CASC3: variants seen among roughly 807,000 people sequenced by gnomAD.
CASC3 encodes protein CASC3.
A neutral mutation model predicts 80.5 loss-of-function variants in CASC3; 30 were observed. The observed-to-expected ratio is 0.37, with a 90% CI of 0.28 to 0.51. The LOEUF (loss-of-function observed/expected upper bound fraction) is 0.51, where lower values mean the gene tolerates loss of function less well. Among genes scored for constraint, CASC3 ranks in the 20% least tolerant of loss-of-function variants. The pLI is 0.94. For synonymous variants in CASC3, 312 were observed against 333.6 expected (o/e 0.94, Z 0.70); for missense variants, 824 against 922.2 (o/e 0.89, Z 1.38).
At chr17:40,157,372 AATTAATT>A (rs1989178676) in intron 3 of CASC3, among the ~76,000 whole-genome samples, 1 of 144,122 alleles carries the variant, frequency 6.9e-6, no homozygotes, top group Admixed American at 6.8e-5. Flanking sequence ...TAAATAAATT[AATTAATT>A]AATTAATTAA....
chr17:40,163,093 G>A (rs192141912), intron 6 of CASC3, among the ~76,000 whole-genome samples, 192 bp downstream of exon 6: 4 of 151,730 alleles, frequency 2.6e-5, no homozygotes, highest in African/African-American at 9.7e-5. Context: ...AAAATAGAGT[G>A]TAGACTCTTG....
Position 40,167,863 on chromosome 17 carries a change from A to C in CASC3, c.1665A>C (p.Gly555=). 3 of 1,614,078 alleles carry C rather than the reference A, an allele frequency of 1.9e-6. No homozygotes were observed. Among genetic ancestry groups the C allele is most frequent in the Non-Finnish European group, 2.5e-6 (3 of 1,179,916 alleles). Residue 555 remains glycine, a synonymous_variant, in exon 10 of 14, where the codon GGA becomes GGC. Coordinates refer to ENST00000264645, the MANE Select transcript of CASC3 (RefSeq NM_007359.5). ...GATATCTTACAGTGCAGTTCCAGGG[A>C]CCAATCTATACCCATGGTGACAGCC... The part of the protein sequence containing the change: ...GHYYDPLQFQ[G]PIYTHGDSPA...
At chr17:40,168,743 C>T (rs762354918) in intron 11 of CASC3, 7 of 311,284 alleles carry the variant, frequency 2.2e-5, no homozygotes, top group Non-Finnish European at 4.3e-5. Context: ...GTGCCTGCCA[C>T]CATGCCCGGC....
chr17:40,167,205 C>T (rs1989471875), intron 8 of CASC3: 3 of 511,070 alleles, frequency 5.9e-6, no homozygotes, highest in East Asian at 3.5e-5. Context: ...ATGATCCACC[C>T]ACCCTGGCCT....
At chr17:40,164,189 C>T in intron 7 of CASC3, 23 bp downstream of exon 7, 2 of 1,555,718 alleles carry the variant, frequency 1.3e-6, no homozygotes, top group Non-Finnish European at 8.7e-7. Flanking sequence ...GGATTGGTGG[C>T]TAGCTTTTTC....
At position 40,163,565 on chromosome 17, in the gene CASC3, C is replaced by G. The variant is rs762351527; in HGVS notation, c.870C>G (p.Thr290=). The G allele has an allele frequency of 6.2e-7, 1 of 1,614,072 alleles. No individual in the cohort carries two copies. The highest frequency in any genetic ancestry group is 8.5e-7 in the Non-Finnish European group (1 of 1,180,004). ...ATCGCCACCAGGGTCTTGGGGGCAC[C>G]CTACCACCAAGGACATTTATTAACA... is the stretch of plus-strand genomic sequence containing the variant. ...KSHRHQGLGG[T]LPPRTFINRN... Residue 290 remains threonine (T), a synonymous_variant, in exon 7 of 14, where the codon ACC becomes ACG. Coordinates refer to ENST00000264645, the MANE Select transcript of CASC3 (RefSeq NM_007359.5).
At chr17:40,170,007 T>G (rs974771567) in intron 13 of CASC3, among the ~76,000 whole-genome samples, 3 of 150,504 alleles carry the variant, frequency 2.0e-5, no homozygotes, top group African/African-American at 7.3e-5. Flanking sequence ...CCACCTGCCT[T>G]GGCCTCCCAA....
At chr17:40,149,457 AT>A (rs1394033354) in intron 3 of CASC3, among the ~76,000 whole-genome samples, 2 of 152,004 alleles carry the variant, frequency 1.3e-5, no homozygotes, top group African/African-American at 4.8e-5. Context: ...GGCTGAAGAG[AT>A]GGTAGTTGGA....
Position 40,167,564 on chromosome 17 carries a change from G to A in CASC3, c.1603G>A (p.Ala535Thr), listed in dbSNP as rs771037006. The change falls in exon 9 of 14, where the codon GCC becomes ACC. Residue 535 changes from alanine to threonine, a missense_variant. By Grantham distance (58) the Ala-to-Thr change is moderately conservative. Transcript: ENST00000264645. ...GCAAAGACCTGTGCCAGAGCCCCCC[G>A]CCCCTCCAGTGCATATCAGTATCAT... The part of the protein sequence containing the change: ...QRQRPVPEPP[A>T]PPVHISIMEG... 5.0e-6 allele frequency: 8 copies of A among 1,613,984 alleles called. No homozygotes were observed. The highest frequency in any genetic ancestry group is 1.6e-4 in the Middle Eastern group (1 of 6,062).
chr17:40,163,733 G>A lies in CASC3; in HGVS notation c.1038G>A (p.Glu346=), dbSNP rs1055062596. 1 of 1,614,152 alleles carries A rather than the reference G, an allele frequency of 6.2e-7. No individual in the cohort carries two copies. Among genetic ancestry groups the A allele is most frequent in the Admixed American group, 1.7e-5 (1 of 60,004 alleles). Residue 346 remains glutamate, a synonymous_variant, in exon 7 of 14, where the codon GAG becomes GAA. Transcript: ENST00000264645. ...GGRSGETVKH[E]ISYRSRRLEQ... ...GGTCTGGTGAGACTGTTAAGCATGA[G>A]ATTAGTTACCGGTCACGGCGCCTAG...
At chr17:40,148,912 T>G (rs536377167) in intron 3 of CASC3, among the ~76,000 whole-genome samples, 1 of 152,240 alleles carries the variant, frequency 6.6e-6, no homozygotes, top group South Asian at 2.1e-4. Context: ...TTCTTTTTTA[T>G]TTTTTGAGAC....
rs970210271 is a variant in CASC3 at position 40,169,601 on chromosome 17, G to T, written c.2092G>T (p.Val698Leu). The stretch of plus-strand genomic sequence containing the variant: ...AATTCCAACTTTGTTATTTCAGGTT[G>T]TAAGCAGGGGTTCCAGTTAATACAA... ...VTIKPPPPEV[V>L]SRGSS The change falls in exon 13 of 14, where the codon GTA becomes TTA. Residue 698 changes from valine to leucine, a missense_variant. By Grantham distance (32) the Val-to-Leu change is conservative. Coordinates refer to ENST00000264645, the MANE Select transcript of CASC3 (RefSeq NM_007359.5). 1.9e-6 allele frequency: 3 copies of T among 1,596,570 alleles called. No individual in the cohort carries two copies.
intron 3 of CASC3, among the ~76,000 whole-genome samples, chr17:40,154,734 G>A (rs1989103135): frequency 6.6e-6 from 1 of 152,090 alleles, no homozygotes; most frequent in African/African-American, 2.4e-5. Flanking sequence ...AGATGCTTTT[G>A]GTGTTAGGTA....
At chr17:40,145,195 C>T (rs779093449) in intron 3 of CASC3, among the ~76,000 whole-genome samples, 29 of 145,252 alleles carry the variant, frequency 2.0e-4, no homozygotes, top group South Asian at 6.6e-4. Flanking sequence ...TTTTTTAAGA[C>T]GGAGTCTCAT....
intron 3 of CASC3, among the ~76,000 whole-genome samples, chr17:40,146,998 C>T (rs1040406047): frequency 5.3e-5 from 8 of 152,102 alleles, no homozygotes; most frequent in African/African-American, 1.4e-4. Flanking sequence ...AGAATGGAAA[C>T]GTTGGAGAAA....
Position 40,172,004 on chromosome 17 carries a change from C to G in CASC3, c.*1599C>G, listed in dbSNP as rs1870777289. ...TCCTCAAGCCTGTGGGCAGCATGCCCAGATTCCCAGACCTTAAGACACTGT... is the reference window on the plus strand; with the variant it reads ...TCCTCAAGCCTGTGGGCAGCATGCCGAGATTCCCAGACCTTAAGACACTGT... On this transcript the variant is annotated 3_prime_UTR_variant, in exon 14 of 14. Transcript: ENST00000264645. 3 of 1,289,962 alleles carry G rather than the reference C, an allele frequency of 2.3e-6. No homozygotes were observed. Among genetic ancestry groups the G allele is most frequent in the Non-Finnish European group, 3.0e-6 (3 of 988,864 alleles). 79.9% of individuals were successfully genotyped at this position (1,289,962 alleles called of 1,614,324 possible). A position where few individuals can be genotyped will look rare whatever the true frequency, so the allele number is the denominator to read the frequency against.
In CASC3 at chr17:40,162,946, T is replaced by A. The variant is rs1567682707; in HGVS notation, c.785+45T>A. 2.6e-6 allele frequency: 4 copies of A among 1,555,822 alleles called. No homozygotes were observed. In the South Asian group the frequency reaches 4.5e-5, roughly 18 times the overall value. On this transcript the variant is annotated intron_variant, in intron 6 of 13. Transcript: ENST00000264645. ...TAAGACCAGGCTGGGTATGGTGGCT[T>A]ACGGTGGCTTACACCTGGAATCCCG... is the stretch of plus-strand genomic sequence containing the variant.
chr17:40,142,422 A>G (rs1158551065), intron 3 of CASC3, among the ~76,000 whole-genome samples: 2 of 152,212 alleles, frequency 1.3e-5, no homozygotes, highest in African/African-American at 4.8e-5. Context: ...CAGTCGGGAA[A>G]GATTAAACAG....
intron 7 of CASC3, among the ~76,000 whole-genome samples, chr17:40,165,454 A>G (rs1989424823): frequency 6.6e-6 from 1 of 151,858 alleles, no homozygotes; most frequent in Non-Finnish European, 1.5e-5. Context: ...AGATCCTCCT[A>G]AAGCGCTGGG....
Sources: allele counts gnomAD v4.1 joint callset (sites outside exome capture counted in the v4.1 genomes callset), GRCh38; gene constraint gnomAD v4.1.1; transcripts MANE v1.5; gene names NCBI Gene and HGNC (gene_info 2026-07-23, HGNC 2026-07-21).